The following ABLIM2 variants were observed in gnomAD, a reference collection of about 807,000 sequenced individuals.
The protein encoded by ABLIM2 is actin binding LIM protein family member 2, also known as actin-binding LIM protein 2.
Under a neutral mutation model 97.7 loss-of-function variants are expected in ABLIM2, and 53 were observed. The ratio of observed to expected loss-of-function variants is 0.54; its 90% CI spans 0.44 to 0.68. The LOEUF (loss-of-function observed/expected upper bound fraction) is 0.68, where lower values mean the gene tolerates loss of function less well. ABLIM2 is among the 30% of genes least tolerant of loss of function. The probability of loss-of-function intolerance (pLI) is 0.00; values close to 1 mark genes in which losing one functional copy is unlikely to be tolerated. For synonymous variants in ABLIM2, 361 were observed against 345.8 expected (o/e 1.04, Z -0.49); for missense variants, 835 against 867.2 (o/e 0.96, Z 0.47).
chr4:7,987,444 T>G (rs915871745), intron 17 of ABLIM2, among the ~76,000 whole-genome samples: 1 of 152,104 alleles, frequency 6.6e-6, no homozygotes, highest in Non-Finnish European at 1.5e-5. Context: ...TTTGATACAT[T>G]TTCTTAGTCT....
At position 8,122,925 on chromosome 4, in the gene ABLIM2, C is replaced by A. The variant is rs1345994223; in HGVS notation, c.11-16288G>T. 6.6e-6 allele frequency among the ~76,000 whole-genome samples: 1 copy of A among 152,092 alleles called. No individual in the cohort carries two copies. Among genetic ancestry groups the A allele is most frequent in the Non-Finnish European group, 1.5e-5 (1 of 68,012 alleles). On this transcript the variant is annotated intron_variant, in intron 1 of 20. Transcript: ENST00000447017. This position sits in a 1 kb window ranked among gnomAD's most constrained non-coding sequence, Gnocchi z 4.1. ...GAGAGGGAGAGGGGTGAGGGGCGAA[C>A]CAGCCCTAGGGGTGGCAAATCTGTC...
At chr4:8,093,529 G>A (rs1221625594) in intron 3 of ABLIM2, among the ~76,000 whole-genome samples, 5 of 152,320 alleles carry the variant, frequency 3.3e-5, no homozygotes, top group African/African-American at 9.6e-5. Context: ...TCAGAGTTGT[G>A]CAACTATCAC....
rs1715120645 is a variant in ABLIM2, at chr4:8,155,809, A to C, written c.10+2871T>G. Among the ~76,000 whole-genome samples, 1 of 151,752 alleles carries C rather than the reference A, an allele frequency of 6.6e-6. No individual in the cohort carries two copies. Among genetic ancestry groups the C allele is most frequent in the South Asian group, 2.1e-4 (1 of 4,804 alleles). ...CACAAAGGGAAGACGGGGCGAGGAC[A>C]CAGACACACACAAAGGGAAGACGGG... On this transcript the variant is annotated intron_variant, in intron 1 of 20. Coordinates refer to ENST00000447017, the MANE Select transcript of ABLIM2 (RefSeq NM_001130083.2). The surrounding 1 kb of genome is among the most constrained non-coding windows in gnomAD (Gnocchi z 4.2).
At position 8,106,010 on chromosome 4, in the gene ABLIM2, T is replaced by C. The variant is rs529208831; in HGVS notation, c.154+484A>G. On this transcript the variant is annotated intron_variant, in intron 2 of 20. Coordinates refer to ENST00000447017, the MANE Select transcript of ABLIM2 (RefSeq NM_001130083.2). ...TTTAGTAGATTATTTACATTATTGG[T>C]TTATAGTCATAGAGAAATTGAAGTG... Among the ~76,000 whole-genome samples the C allele has an allele frequency of 1.4e-3, 214 of 152,320 alleles. 2 individuals are homozygous for C. Among genetic ancestry groups the C allele is most frequent in the African/African-American group, 4.9e-3 (203 of 41,568 alleles).
rs759884899 is a variant in ABLIM2, at chr4:8,149,135, G to A, written c.10+9545C>T. Among the ~76,000 whole-genome samples the A allele has an allele frequency of 2.0e-4, 31 of 152,168 alleles. No homozygotes were observed. The highest frequency in any genetic ancestry group is 4.0e-4 in the Non-Finnish European group (27 of 68,024). ...CCTCTTCCAGCTTCTAGGGGCACCC[G>A]AGTTTCTTGGTGTGGGGCCCCTCCC... On this transcript the variant is annotated intron_variant, in intron 1 of 20. Transcript: ENST00000447017. The surrounding 1 kb of genome is among the most constrained non-coding windows in gnomAD (Gnocchi z 6.4).
intron 11 of ABLIM2, among the ~76,000 whole-genome samples, chr4:8,029,128 C>A (rs1779228734): frequency 6.6e-6 from 1 of 152,204 alleles, no homozygotes; most frequent in Non-Finnish European, 1.5e-5. Context: ...GGGCTCTCTC[C>A]TGACTGGCGG....
In ABLIM2 at chr4:8,130,726, G is replaced by C. The variant is rs961440526; in HGVS notation, c.11-24089C>G. On this transcript the variant is annotated intron_variant, in intron 1 of 20. Transcript: ENST00000447017. This position sits in a 1 kb window ranked among gnomAD's most constrained non-coding sequence, Gnocchi z 4.2. ...TGTGAGATGGAGGAGGAATTAGCCA[G>C]GCCCAGGGAGGGGAGAGACGGTCTG... is the stretch of plus-strand genomic sequence containing the variant. Among the ~76,000 whole-genome samples the C allele has an allele frequency of 7.9e-5, 12 of 152,152 alleles. No homozygotes were observed. The highest frequency in any genetic ancestry group is 2.7e-4 in the African/African-American group (11 of 41,438).
chr4:8,106,830 G>C (rs1561457957), intron 1 of ABLIM2, among the ~76,000 whole-genome samples, 193 bp from the exon 2 acceptor site: 2 of 151,992 alleles, frequency 1.3e-5, no homozygotes, highest in African/African-American at 2.4e-5. Flanking sequence ...AGATTATGCA[G>C]GGGTTAGGGG....
At chr4:8,053,072 G>A (rs569253432) in intron 8 of ABLIM2, among the ~76,000 whole-genome samples, 2 of 152,296 alleles carry the variant, frequency 1.3e-5, no homozygotes, top group South Asian at 4.1e-4. Flanking sequence ...AGCCAGATGG[G>A]GACTGCCCCA....
rs1042053679 is a variant in ABLIM2, at chr4:8,072,888, G to A, written c.675+4740C>T. Among the ~76,000 whole-genome samples, 2 of 152,126 alleles carry A rather than the reference G, an allele frequency of 1.3e-5. No individual in the cohort carries two copies. Among genetic ancestry groups the A allele is most frequent in the East Asian group, 1.9e-4 (1 of 5,162 alleles). ...GCCCCTGGGGAAGTAGGGAGGGGTC[G>A]GTAAGAGGAGGCTTAAAGGCCTTAG... On this transcript the variant is annotated intron_variant, in intron 6 of 20. Transcript: ENST00000447017. The surrounding 1 kb of genome is among the most constrained non-coding windows in gnomAD (Gnocchi z 5.8).
At chr4:7,993,716 TGGGG>T (rs978367782) in intron 16 of ABLIM2, among the ~76,000 whole-genome samples, 3 of 152,074 alleles carry the variant, frequency 2.0e-5, no homozygotes, top group Non-Finnish European at 4.4e-5. Context: ...TGCTTGCAAT[TGGGG>T]GGCTTCATAT....
chr4:8,031,056 T>A (rs1295380929), intron 10 of ABLIM2, among the ~76,000 whole-genome samples: 1 of 152,194 alleles, frequency 6.6e-6, no homozygotes, highest in African/African-American at 2.4e-5. Flanking sequence ...TCTCCAAAGC[T>A]GTCAGGACCT....
rs960231777 is a variant in ABLIM2, at chr4:8,148,320, C to T, written c.10+10360G>A. 2.0e-5 allele frequency among the ~76,000 whole-genome samples: 3 copies of T among 152,188 alleles called. No homozygotes were observed. Among genetic ancestry groups the T allele is most frequent in the African/African-American group, 7.2e-5 (3 of 41,460 alleles). On this transcript the variant is annotated intron_variant, in intron 1 of 20. Transcript: ENST00000447017. This position sits in a 1 kb window ranked among gnomAD's most constrained non-coding sequence, Gnocchi z 6.7. The stretch of plus-strand genomic sequence containing the variant: ...GCAGCTGCAGGTGACCTAAGCAGCA[C>T]TGTGGGCCTGCGGAGGCCTCCCCAC...
In ABLIM2 at chr4:8,157,061, C is replaced by T. The variant is rs1045162264; in HGVS notation, c.10+1619G>A. Among the ~76,000 whole-genome samples, 8 of 152,306 alleles carry T rather than the reference C, an allele frequency of 5.3e-5. No homozygotes were observed. In the East Asian group the frequency reaches 1.3e-3, roughly 26 times the overall value. ...GGCTCTTCATGTTGTACCTTGTCCC[C>T]TCCAGGCAACCAATGCTACTGCTCT... On this transcript the variant is annotated intron_variant, in intron 1 of 20. Transcript: ENST00000447017.
intron 1 of ABLIM2, among the ~76,000 whole-genome samples, chr4:8,151,144 C>T (rs547546756): frequency 3.2e-4 from 48 of 152,280 alleles, no homozygotes; most frequent in African/African-American, 7.9e-4. Flanking sequence ...TAGCAAGTGA[C>T]GATTGGGGCT....
At chr4:8,035,859 T>C (rs1784196335) in intron 10 of ABLIM2, among the ~76,000 whole-genome samples, 1 of 152,230 alleles carries the variant, frequency 6.6e-6, no homozygotes, top group Non-Finnish European at 1.5e-5. Context: ...ACTGAGTCAC[T>C]ATCATCTTTC....
At chr4:8,009,295 C>A (rs933715237) in intron 14 of ABLIM2, among the ~76,000 whole-genome samples, 193 bp from the exon 15 acceptor site, 7 of 152,240 alleles carry the variant, frequency 4.6e-5, no homozygotes, top group African/African-American at 1.7e-4. Flanking sequence ...ACCCAGGGAG[C>A]ATCAGCAGCA....
chr4:8,080,631 G>C, intron 5 of ABLIM2, 45 bp downstream of exon 5: 1 of 1,539,582 alleles, frequency 6.5e-7, no homozygotes, highest in South Asian at 1.2e-5. Context: ...CACAGAGTAG[G>C]GAAGCCTGAG....
At chr4:7,977,576 G>A (rs1734507142) in intron 20 of ABLIM2, among the ~76,000 whole-genome samples, 1 of 152,102 alleles carries the variant, frequency 6.6e-6, no homozygotes, top group South Asian at 2.1e-4. Flanking sequence ...GATCACCAGA[G>A]GTCGGGAGTT....
Sources: allele counts gnomAD v4.1 joint callset (sites outside exome capture counted in the v4.1 genomes callset), GRCh38; gene constraint gnomAD v4.1.1; non-coding constraint Gnocchi (gnomAD v3.1); transcripts MANE v1.5; gene names NCBI Gene and HGNC (gene_info 2026-07-23, HGNC 2026-07-21).